The following WIPF1 variants were observed in gnomAD, a reference collection of about 807,000 sequenced individuals.
WIPF1 encodes the protein WAS/WASL-interacting protein family member 1.
A neutral mutation model predicts 35.4 loss-of-function variants in WIPF1; 13 were observed. The observed-to-expected ratio is 0.37, with a 90% CI of 0.24 to 0.58. The LOEUF (loss-of-function observed/expected upper bound fraction) is 0.58, where lower values mean the gene tolerates loss of function less well. Ranked by LOEUF, WIPF1 falls within the 20% of genes least tolerant of loss-of-function variation. The pLI is 0.74. For synonymous variants in WIPF1, 267 were observed against 266.3 expected (o/e 1.00, Z -0.02); for missense variants, 591 against 667.0 (o/e 0.89, Z 1.25).
intron 1 of WIPF1, among the ~76,000 whole-genome samples, chr2:174,675,894 G>T (rs1355786895): frequency 2.0e-5 from 3 of 150,980 alleles, no homozygotes; most frequent in Non-Finnish European, 4.4e-5. Context: ...GGGCATGAAG[G>T]CGTGGGGAAG....
chr2:174,615,844 G>A (rs1686493297), intron 1 of WIPF1, among the ~76,000 whole-genome samples: 1 of 152,160 alleles, frequency 6.6e-6, no homozygotes, highest in African/African-American at 2.4e-5. Context: ...GCCAATGCTT[G>A]GTATTAACAA....
intron 1 of WIPF1, among the ~76,000 whole-genome samples, chr2:174,606,577 A>G (rs1686170954): frequency 6.6e-6 from 1 of 152,134 alleles, no homozygotes; most frequent in Non-Finnish European, 1.5e-5. Context: ...ACAGATGTTC[A>G]ATCAATGTCA....
intron 2 of WIPF1, among the ~76,000 whole-genome samples, chr2:174,583,360 C>T (rs1461647790): frequency 2.0e-5 from 3 of 152,332 alleles, no homozygotes; most frequent in Non-Finnish European, 4.4e-5. Flanking sequence ...ATGTGTCACA[C>T]TGGATCTCTT....
At chr2:174,627,791 A>G (rs1347831091) in intron 1 of WIPF1, among the ~76,000 whole-genome samples, 1 of 152,086 alleles carries the variant, frequency 6.6e-6, no homozygotes, top group Non-Finnish European at 1.5e-5. Flanking sequence ...GCAATCCTCA[A>G]GGCCATCTCG....
intron 1 of WIPF1, among the ~76,000 whole-genome samples, chr2:174,586,129 G>T (rs1285698068): frequency 6.6e-6 from 1 of 152,166 alleles, no homozygotes; most frequent in Non-Finnish European, 1.5e-5. Context: ...AAAGTTCCTA[G>T]TCCTCCAGGG....
chr2:174,648,483 T>C (rs988352004), intron 1 of WIPF1, among the ~76,000 whole-genome samples: 3 of 152,220 alleles, frequency 2.0e-5, no homozygotes, highest in African/African-American at 7.2e-5. Flanking sequence ...AACTGCCTTT[T>C]AACCTTTGGT....
chr2:174,602,610 T>C (rs960841535), upstream of WIPF1, among the ~76,000 whole-genome samples: 6 of 152,238 alleles, frequency 3.9e-5, no homozygotes, highest in African/African-American at 9.6e-5. Flanking sequence ...TGTTAAAATA[T>C]GGGAATTATT....
chr2:174,652,508 A>T (rs1475496244), intron 1 of WIPF1, among the ~76,000 whole-genome samples: 2 of 152,240 alleles, frequency 1.3e-5, no homozygotes, highest in Non-Finnish European at 2.9e-5. Flanking sequence ...TCTGTTGTCT[A>T]TCTTTGGCCC....
chr2:174,623,129 A>G (rs557319664), intron 1 of WIPF1, among the ~76,000 whole-genome samples: 116 of 152,252 alleles, frequency 7.6e-4, no homozygotes, highest in African/African-American at 2.6e-3. Context: ...ATAATTTCAA[A>G]TGGTAATACA....
chr2:174,575,130 G>A (rs1685003744), intron 4 of WIPF1, 74 bp downstream of exon 4: 16 of 1,500,152 alleles, frequency 1.1e-5, no homozygotes, highest in Non-Finnish European at 1.5e-5. Context: ...GAGCCTTAGA[G>A]GCTATGACCA....
At chr2:174,604,743 C>G (rs1686107472) in intron 1 of WIPF1, among the ~76,000 whole-genome samples, 1 of 152,142 alleles carries the variant, frequency 6.6e-6, no homozygotes, top group Non-Finnish European at 1.5e-5. Flanking sequence ...TTTAGATGTT[C>G]AGGATTTTAG....
intron 1 of WIPF1, among the ~76,000 whole-genome samples, chr2:174,596,789 T>C (rs1685835752): frequency 6.6e-6 from 1 of 152,178 alleles, no homozygotes; most frequent in African/African-American, 2.4e-5. Context: ...ATGTGCCTTC[T>C]GAGTTTTTTA....
intron 1 of WIPF1, among the ~76,000 whole-genome samples, chr2:174,672,350 C>G (rs934626895): frequency 2.6e-5 from 4 of 152,116 alleles, no homozygotes; most frequent in African/African-American, 9.7e-5. Context: ...GCATCTGGCT[C>G]AAATTCCATT....
At chr2:174,634,761 G>C (rs1687135338) in intron 1 of WIPF1, among the ~76,000 whole-genome samples, 1 of 152,226 alleles carries the variant, frequency 6.6e-6, no homozygotes, top group Admixed American at 6.5e-5. Flanking sequence ...CCAGGACACA[G>C]GTAAAGAGGA....
intron 1 of WIPF1, among the ~76,000 whole-genome samples, chr2:174,611,511 G>A (rs963211592): frequency 3.3e-5 from 5 of 152,196 alleles, no homozygotes; most frequent in African/African-American, 1.2e-4. Context: ...GTATCAGGAG[G>A]AGGAGGAGGG....
At chr2:174,658,827 A>T (rs185716141) in intron 1 of WIPF1, among the ~76,000 whole-genome samples, 1 of 152,094 alleles carries the variant, frequency 6.6e-6, no homozygotes, top group East Asian at 1.9e-4. Flanking sequence ...TGAGTTCTAC[A>T]CTTACAAAAA....
At chr2:174,638,845 C>T (rs1165368068) in intron 1 of WIPF1, among the ~76,000 whole-genome samples, 4 of 152,104 alleles carry the variant, frequency 2.6e-5, no homozygotes, top group Non-Finnish European at 4.4e-5. Context: ...ACAATAAACA[C>T]GGAGGGCGGA....
chr2:174,597,921 A>T (rs770906170), upstream of WIPF1: 12 of 152,590 alleles, frequency 7.9e-5, no homozygotes, highest in Non-Finnish European at 1.2e-4. Context: ...AACCTAAATT[A>T]AAAAAAATTA....
intron 1 of WIPF1, among the ~76,000 whole-genome samples, chr2:174,646,939 T>C (rs1687422865): frequency 6.6e-6 from 1 of 152,150 alleles, no homozygotes. Context: ...TGAGGGTGTT[T>C]TGCATGCAGG....
Sources: gnomAD v4.1 joint callset for allele counts (sites outside exome capture counted in the v4.1 genomes callset) on GRCh38, gnomAD v4.1.1 for gene constraint, MANE v1.5 for transcripts, NCBI Gene and HGNC (gene_info 2026-07-23, HGNC 2026-07-21) for gene names.